The following MINDY2 variants were observed in gnomAD, a reference collection of about 807,000 sequenced individuals.
The protein encoded by MINDY2 is ubiquitin carboxyl-terminal hydrolase MINDY-2.
In MINDY2, 52 loss-of-function variants were observed where a neutral mutation model predicts 68.2. That is an observed-to-expected ratio of 0.76 (90% CI 0.61 to 0.96). The LOEUF (loss-of-function observed/expected upper bound fraction) is 0.96. MINDY2 is among the 40% of genes least tolerant of loss of function. The probability of loss-of-function intolerance (pLI) is 0.00; values close to 1 mark genes in which losing one functional copy is unlikely to be tolerated. For missense variants in MINDY2, 881 were observed against 773.4 expected (o/e 1.14, Z -1.65); for synonymous variants, 372 against 303.0 (o/e 1.23, Z -2.36).
chr15:58,836,756 C>G (rs1032716159), intron 6 of MINDY2, among the ~76,000 whole-genome samples: 6 of 152,052 alleles, frequency 3.9e-5, no homozygotes, highest in Non-Finnish European at 8.8e-5. Flanking sequence ...GCAACTGGGA[C>G]TACAGGTGTA....
rs762642665 is a variant in MINDY2, at chr15:58,771,736, C to G, written c.341C>G (p.Thr114Arg). 1.9e-6 allele frequency: 3 copies of G among 1,611,742 alleles called. No homozygotes were observed. Among genetic ancestry groups the G allele is most frequent in the African/African-American group, 1.3e-5 (1 of 74,914 alleles). ...TACAAGGTGACCGCCTCCCCGGAGA[C>G]AGCCGTGGCCGGAGTGGGTCATGAG... ...GQYKVTASPE[T>R]AVAGVGHELG... Residue 114 changes from threonine (T) to arginine (R), a missense_variant, in exon 1 of 9, where the codon ACA becomes AGA. Thr to Arg is a moderately conservative substitution (Grantham distance 71, BLOSUM62 -1). Transcript: ENST00000559228.
chr15:58,830,051 T>C (rs892662163), intron 5 of MINDY2, among the ~76,000 whole-genome samples: 2 of 152,188 alleles, frequency 1.3e-5, no homozygotes, highest in Admixed American at 1.3e-4. Flanking sequence ...CCCCATTGCT[T>C]CCGAGACATC....
At chr15:58,852,845 T>C (rs533083865) in intron 8 of MINDY2, among the ~76,000 whole-genome samples, 8 of 151,708 alleles carry the variant, frequency 5.3e-5, no homozygotes, top group African/African-American at 1.7e-4. Flanking sequence ...GGTGGGATTC[T>C]ACATGTTAAA....
intron 6 of MINDY2, among the ~76,000 whole-genome samples, chr15:58,832,498 G>A (rs1020363663): frequency 1.3e-5 from 2 of 149,952 alleles, no homozygotes; most frequent in South Asian, 2.1e-4. Flanking sequence ...AAAGTGCTGG[G>A]ATTACAGGCG....
Position 58,861,216 on chromosome 15 carries a change from A to G in MINDY2, c.*6606A>G, listed in dbSNP as rs2033210207. 2 of 152,224 alleles carry G rather than the reference A, an allele frequency of 1.3e-5. No individual in the cohort carries two copies. The highest frequency in any genetic ancestry group is 1.3e-4 in the Admixed American group (2 of 15,284). The allele number at this position is 152,224 out of a possible 1,614,324, so 9.4% of individuals were successfully genotyped here. ...AGAGAAAATTATCTTGAAATATAGC[A>G]AGGAAGAGAAACAAGTTTTCTTTCT... On this transcript the variant is annotated 3_prime_UTR_variant, in exon 9 of 9. Coordinates refer to ENST00000559228, the MANE Select transcript of MINDY2 (RefSeq NM_001040450.3).
In MINDY2 at chr15:58,852,041, C is replaced by T. The variant is rs563288441; in HGVS notation, c.1737+76C>T. The stretch of plus-strand genomic sequence containing the variant: ...GTGGCTCACACCTGTATTCCCAGCC[C>T]TTTGGGAGGCTGAGGCAGGCAGATT... On this transcript the variant is annotated intron_variant, in intron 8 of 8. Coordinates refer to ENST00000559228, the MANE Select transcript of MINDY2 (RefSeq NM_001040450.3). 1.5e-4 allele frequency: 176 copies of T among 1,157,162 alleles called. 2 individuals are homozygous for T. The South Asian group carries it at 2.7e-3, about 17-fold the overall frequency. 71.7% of individuals were successfully genotyped at this position (1,157,162 alleles called of 1,614,324 possible).
At chr15:58,791,256 T>TATATATATATATATA in intron 2 of MINDY2, among the ~76,000 whole-genome samples, 2 of 125,882 alleles carry the variant, frequency 1.6e-5, no homozygotes, top group Non-Finnish European at 3.4e-5. Flanking sequence ...TATATATATA[T>TATATATATATATATA]CTTGAGTTCA....
intron 2 of MINDY2, among the ~76,000 whole-genome samples, chr15:58,795,178 A>T (rs887476831): frequency 2.0e-5 from 3 of 149,892 alleles, no homozygotes; most frequent in Non-Finnish European, 4.4e-5. Context: ...TCGTCTCCAA[A>T]AAATAAATAA....
Position 58,810,304 on chromosome 15 carries a change from T to C in MINDY2, c.1038T>C (p.Val346=), listed in dbSNP as rs1313234050. Residue 346 remains valine, a synonymous_variant, in exon 4 of 9, where the codon GTT becomes GTC. Transcript: ENST00000559228. ...ATGTAAATGTAAGATTCACTGGTGTTCGAGTGTTTGAATATACACCAGAAT... is the reference window on the plus strand; with the variant it reads ...ATGTAAATGTAAGATTCACTGGTGTCCGAGTGTTTGAATATACACCAGAAT... The part of the protein sequence containing the change: ...GLDVNVRFTG[V]RVFEYTPECI... 6.2e-7 allele frequency: 1 copy of C among 1,613,988 alleles called. No individual in the cohort carries two copies. The highest frequency in any genetic ancestry group is 1.1e-5 in the South Asian group (1 of 91,040).
intron 7 of MINDY2, among the ~76,000 whole-genome samples, chr15:58,851,045 C>T (rs1237471871): frequency 1.1e-4 from 16 of 152,166 alleles, no homozygotes; most frequent in Non-Finnish European, 2.9e-5. Flanking sequence ...GTGATCTCAG[C>T]TCACTGCAAC....
At chr15:58,799,117 G>C (rs1378258694) in intron 2 of MINDY2, among the ~76,000 whole-genome samples, 1 of 152,180 alleles carries the variant, frequency 6.6e-6, no homozygotes, top group Non-Finnish European at 1.5e-5. Flanking sequence ...GAACAAGAAT[G>C]ATGTAGGCAA....
At chr15:58,809,721 A>G (rs949164782) in intron 3 of MINDY2, among the ~76,000 whole-genome samples, 7 of 152,198 alleles carry the variant, frequency 4.6e-5, no homozygotes, top group African/African-American at 9.7e-5. Context: ...TGTTTTATAT[A>G]TATACATGTT....
intron 1 of MINDY2, among the ~76,000 whole-genome samples, chr15:58,783,166 CCACCTCGG>C (rs1329248547): frequency 6.6e-6 from 1 of 151,994 alleles, no homozygotes; most frequent in Non-Finnish European, 1.5e-5. Flanking sequence ...GGTGATCCGC[CCACCTCGG>C]CCTCCCAAAG....
chr15:58,795,856 C>G (rs1424780930), intron 2 of MINDY2, among the ~76,000 whole-genome samples: 2 of 151,778 alleles, frequency 1.3e-5, no homozygotes, highest in African/African-American at 2.4e-5. Context: ...TGCTAAAATG[C>G]ATGAAGTAGA....
Position 58,858,480 on chromosome 15 carries a change from C to T in MINDY2, c.*3870C>T, listed in dbSNP as rs1199097349. The T allele has an allele frequency of 2.6e-5, 4 of 152,092 alleles. No individual in the cohort carries two copies. Among genetic ancestry groups the T allele is most frequent in the Admixed American group, 1.3e-4 (2 of 15,260 alleles). The allele number at this position is 152,092 out of a possible 1,614,324, so 9.4% of individuals were successfully genotyped here. On this transcript the variant is annotated 3_prime_UTR_variant, in exon 9 of 9. Coordinates refer to ENST00000559228, the MANE Select transcript of MINDY2 (RefSeq NM_001040450.3). ...ATCAGAAAGTCAATTCACTAAGAGA[C>T]AGATCATGAGAGGAAAGAGAACTAG...
At chr15:58,811,413 T>C (rs1191525217) in intron 4 of MINDY2, among the ~76,000 whole-genome samples, 1 of 152,140 alleles carries the variant, frequency 6.6e-6, no homozygotes, top group Non-Finnish European at 1.5e-5. Flanking sequence ...CTGTCAAAAG[T>C]TTAATGAAGA....
At position 58,810,396 on chromosome 15, in the gene MINDY2, G is replaced by T. The variant is rs758864141; in HGVS notation, c.1122+8G>T. 41 of 1,545,564 alleles carry T rather than the reference G, an allele frequency of 2.7e-5. No homozygotes were observed. The highest frequency in any genetic ancestry group is 3.6e-5 in the Non-Finnish European group (41 of 1,146,252). On this transcript the variant is annotated splice_region_variant and intron_variant, in intron 4 of 8. Transcript: ENST00000559228. Reference sequence around the variant, plus strand: ...TGGTTAGTAGACCCTCAGGTAAGTCGAAGAATTTAAATTATGTAAACACAA... The same window carrying T: ...TGGTTAGTAGACCCTCAGGTAAGTCTAAGAATTTAAATTATGTAAACACAA...
At chr15:58,804,348 G>A (rs903853438) in intron 3 of MINDY2, among the ~76,000 whole-genome samples, 1 of 152,218 alleles carries the variant, frequency 6.6e-6, no homozygotes, top group Non-Finnish European at 1.5e-5. Context: ...ATGTATTTAT[G>A]AAATTTATAT....
In MINDY2 at chr15:58,821,819, G is replaced by A. The variant is rs1325092282; in HGVS notation, c.1225G>A (p.Gly409Ser). ...QSDNSELVSE[G>S]FVAEQFLNNT... ...AGACAATAGTGAGCTGGTTAGTGAA[G>A]GTGGGTGAGTGCTGCTATTTCCTGA... Residue 409 changes from glycine (G) to serine (S), a missense_variant and splice_region_variant, in exon 5 of 9, where the codon GGC (glycine) becomes AGC (serine). Coordinates refer to ENST00000559228, the MANE Select transcript of MINDY2 (RefSeq NM_001040450.3). The A allele has an allele frequency of 6.4e-7, 1 of 1,573,544 alleles. No individual in the cohort carries two copies. Among genetic ancestry groups the A allele is most frequent in the Non-Finnish European group, 8.6e-7 (1 of 1,161,462 alleles).
Sources: gnomAD v4.1 joint callset for allele counts (sites outside exome capture counted in the v4.1 genomes callset) on GRCh38, gnomAD v4.1.1 for gene constraint, MANE v1.5 for transcripts, NCBI Gene and HGNC (gene_info 2026-07-23, HGNC 2026-07-21) for gene names.